Variants in SCAF4 observed in about 807,000 individuals in gnomAD.
The protein encoded by SCAF4 is SR-related CTD associated factor 4, also known as SR-related and CTD-associated factor 4.
In SCAF4, 25 loss-of-function variants were observed where a neutral mutation model predicts 129.8. The observed-to-expected ratio is 0.19, with a 90% confidence interval of 0.14 to 0.27. The LOEUF is 0.27. Ranked by LOEUF, SCAF4 falls within the 10% of genes least tolerant of loss-of-function variation. SCAF4 has a pLI of 1.00. For missense variants in SCAF4, 1,246 were observed against 1,457.1 expected (o/e 0.86, Z 2.36); for synonymous variants, 551 against 497.7 (o/e 1.11, Z -1.43).
intron 19 of SCAF4, among the ~76,000 whole-genome samples, chr21:31,674,255 T>C (rs1442506308): frequency 2.0e-5 from 3 of 152,224 alleles, no homozygotes; most frequent in African/African-American, 7.2e-5. Flanking sequence ...CATTTGAGGG[T>C]ATAAATTAAC....
chr21:31,674,532 AT>A (rs1304668681), intron 19 of SCAF4, among the ~76,000 whole-genome samples: 4 of 152,188 alleles, frequency 2.6e-5, no homozygotes, highest in African/African-American at 9.7e-5. Context: ...CACAAAAAAA[AT>A]TTTATCTGTA....
rs1466212618 is a variant in SCAF4 at position 31,693,500 on chromosome 21, G to C, written c.1323-16C>G. 1 of 1,456,900 alleles carries C rather than the reference G, an allele frequency of 6.9e-7. No individual in the cohort carries two copies. Among genetic ancestry groups the C allele is most frequent in the African/African-American group, 1.4e-5 (1 of 69,838 alleles). 90.2% of individuals were successfully genotyped at this position (1,456,900 alleles called of 1,614,324 possible). On this transcript the variant is annotated splice_polypyrimidine_tract_variant and intron_variant, in intron 11 of 19. Transcript: ENST00000286835. ...TTTTGGTGACCTAATGTTTTCAAGAGAAGGGAGAATGCATAGCATATAGAC... is the reference window on the plus strand; with the variant it reads ...TTTTGGTGACCTAATGTTTTCAAGACAAGGGAGAATGCATAGCATATAGAC...
chr21:31,678,879 C>A (rs1353979846), intron 19 of SCAF4, among the ~76,000 whole-genome samples: 2 of 152,250 alleles, frequency 1.3e-5, no homozygotes, highest in Admixed American at 1.3e-4. Context: ...CCCAGGTCTG[C>A]GAAAATATAA....
chr21:31,703,364 C>T (rs933171928), intron 4 of SCAF4, among the ~76,000 whole-genome samples: 2 of 152,082 alleles, frequency 1.3e-5, no homozygotes, highest in African/African-American at 4.8e-5. Flanking sequence ...ACTCACTTAG[C>T]CAATTTTTAA....
chr21:31,715,115 A>G (rs762786738), intron 1 of SCAF4, among the ~76,000 whole-genome samples: 2 of 152,204 alleles, frequency 1.3e-5, no homozygotes, highest in Non-Finnish European at 1.5e-5. Flanking sequence ...CACTAGCATC[A>G]GCAAGGCGAC....
intron 16 of SCAF4, among the ~76,000 whole-genome samples, chr21:31,688,059 G>A (rs1423889760): frequency 8.3e-6 from 1 of 121,104 alleles, no homozygotes; most frequent in African/African-American, 3.2e-5. Flanking sequence ...GGAAGTTGCA[G>A]TGAGCCAACA....
chr21:31,696,696 T>G lies in SCAF4; in HGVS notation c.832A>C (p.Lys278Gln). ...DDEPEAVEES[K>Q]KEDTTAVTTT... is the part of the protein sequence containing the mutation. The stretch of plus-strand genomic sequence containing the variant: ...GTGACGGCAGTGGTATCCTCTTTCT[T>G]TGATTCTTCCACAGCTTCTGGCTCA... Residue 278 changes from lysine (K) to glutamine (Q), a missense_variant, in exon 8 of 20, where the codon AAG (lysine) becomes CAG (glutamine). Around this residue, in one of 6 missense-constraint regions of SCAF4, gnomAD observed 236 missense variants for 210.0 expected, o/e 1.12. Transcript: ENST00000286835. 5 of 1,613,948 alleles carry G rather than the reference T, an allele frequency of 3.1e-6. No individual in the cohort carries two copies. The highest frequency in any genetic ancestry group is 4.2e-6 in the Non-Finnish European group (5 of 1,179,826).
chr21:31,693,523 G>A (rs764950513), intron 11 of SCAF4, 39 bp from the exon 12 acceptor site: 40 of 1,315,542 alleles, frequency 3.0e-5, no homozygotes, highest in Admixed American at 5.4e-5. Context: ...ATAGCATATA[G>A]ACAAAAACCA....
chr21:31,690,056 TCTCA>T (rs1366231742), intron 15 of SCAF4, among the ~76,000 whole-genome samples: 5 of 152,298 alleles, frequency 3.3e-5, no homozygotes, highest in East Asian at 1.9e-4. Context: ...CCCCCTGCAA[TCTCA>T]CTGTCAATCT....
At chr21:31,692,937 T>C (rs2050294315) in intron 12 of SCAF4, among the ~76,000 whole-genome samples, 1 of 152,254 alleles carries the variant, frequency 6.6e-6, no homozygotes, top group Admixed American at 6.5e-5. Flanking sequence ...CTAGTCATAT[T>C]ATAAATTAAA....
chr21:31,704,498 T>C (rs923026393), intron 3 of SCAF4, among the ~76,000 whole-genome samples: 18 of 151,834 alleles, frequency 1.2e-4, no homozygotes, highest in Admixed American at 3.9e-4. Flanking sequence ...CAAAGTCTTA[T>C]TTAATCCACC....
rs1232168019 is a variant in SCAF4 at position 31,672,352 on chromosome 21, T to A, written c.2491A>T (p.Thr831Ser). 1 of 1,611,446 alleles carries A rather than the reference T, an allele frequency of 6.2e-7. No individual in the cohort carries two copies. Among genetic ancestry groups the A allele is most frequent in the Admixed American group, 1.7e-5 (1 of 60,012 alleles). ...ACAGGACCAGGGGCAACTCCTTGAGTGCCTAAAAGACGACAAAAATAAAAA... is the reference window on the plus strand; with the variant it reads ...ACAGGACCAGGGGCAACTCCTTGAGAGCCTAAAAGACGACAAAAATAAAAA... ...PVTQPVSLLG[T>S]QGVAPGPVIG... The change falls in exon 20 of 20, where the codon ACT becomes TCT. Residue 831 changes from threonine (T) to serine (S), a missense_variant and splice_region_variant. By Grantham distance (58) the Thr-to-Ser change is moderately conservative (BLOSUM62 1). This residue lies in a region of SCAF4 where 468 missense variants were observed against 605.5 expected (regional missense o/e 0.77). Transcript: ENST00000286835.
intron 19 of SCAF4, chr21:31,683,949 T>C (rs1432339113): frequency 1.3e-5 from 2 of 153,500 alleles, no homozygotes; most frequent in Non-Finnish European, 2.9e-5. Flanking sequence ...TCAAGGCTAT[T>C]ATCAGCCTAA....
chr21:31,728,552 G>A (rs547010599), intron 1 of SCAF4, among the ~76,000 whole-genome samples: 1 of 152,140 alleles, frequency 6.6e-6, no homozygotes, highest in Non-Finnish European at 1.5e-5. Context: ...TATGCCCTTA[G>A]GGGAGTTACT....
chr21:31,725,267 TAA>T (rs143522390), intron 1 of SCAF4, among the ~76,000 whole-genome samples: 1 of 149,162 alleles, frequency 6.7e-6, no homozygotes, highest in Non-Finnish European at 1.5e-5. Context: ...CACTACAGGT[TAA>T]AAAAAAAATA....
intron 16 of SCAF4, among the ~76,000 whole-genome samples, chr21:31,687,752 A>C (rs1271149521): frequency 2.6e-5 from 4 of 152,206 alleles, no homozygotes; most frequent in Non-Finnish European, 5.9e-5. Flanking sequence ...GAGCCTATGA[A>C]ACTTGATACT....
At chr21:31,688,811 G>C (rs2123516338) in intron 15 of SCAF4, among the ~76,000 whole-genome samples, 1 of 152,276 alleles carries the variant, frequency 6.6e-6, no homozygotes, top group South Asian at 2.1e-4. Context: ...ATTCAACTCA[G>C]ACACATTTGG....
chr21:31,723,452 C>CAA (rs200024167), intron 1 of SCAF4, among the ~76,000 whole-genome samples: 36 of 150,972 alleles, frequency 2.4e-4, no homozygotes, highest in Non-Finnish European at 3.8e-4. Context: ...CACTCCGTCT[C>CAA]AAAAAAAACA....
chr21:31,712,222 C>CTTTTTTTTTTTTTTTTTTTTTTTTTTTT (rs11408552), intron 1 of SCAF4, among the ~76,000 whole-genome samples: 1 of 135,440 alleles, frequency 7.4e-6, no homozygotes, highest in African/African-American at 2.8e-5. Context: ...TTGTTTGTTG[C>CTTTTTTTTTTTTTTTTTTTTTTTTTTTT]TTTTTTTTTT....
Sources: gnomAD v4.1 joint callset for allele counts (sites outside exome capture counted in the v4.1 genomes callset) on GRCh38, gnomAD v4.1.1 for gene constraint, gnomAD v4.1.1 regional missense constraint, MANE v1.5 for transcripts, NCBI Gene and HGNC (gene_info 2026-07-23, HGNC 2026-07-21) for gene names.